NDUFB9: variants seen among roughly 807,000 people sequenced by gnomAD.
NDUFB9 encodes the protein NADH dehydrogenase [ubiquinone] 1 beta subcomplex subunit 9.
In NDUFB9, 24 loss-of-function variants were observed where a neutral mutation model predicts 30.2. The observed-to-expected ratio is 0.80, with a 90% CI of 0.58 to 1.12. The LOEUF (loss-of-function observed/expected upper bound fraction) is 1.12, where lower values mean the gene tolerates loss of function less well. Ranked by LOEUF, NDUFB9 falls within the 50% of genes most tolerant of loss-of-function variation. NDUFB9 has a pLI of 0.00. For synonymous variants in NDUFB9, 80 were observed against 84.0 expected, an observed-to-expected ratio of 0.95 and a Z score of 0.26; for missense variants, 204 against 226.0, an observed-to-expected ratio of 0.90 and a Z score of 0.62.
At chr8:124,547,160 T>C in intron 3 of NDUFB9, 47 bp downstream of exon 3, 2 of 1,461,070 alleles carry the variant, frequency 1.4e-6, no homozygotes, top group Non-Finnish European at 1.9e-6. Context: ...GTAGATGGAG[T>C]GAAGTTTTGC....
intron 1 of NDUFB9, chr8:124,542,877 G>T: frequency 1.9e-6 from 1 of 526,524 alleles, no homozygotes. Context: ...AAAATGGTTA[G>T]GGTATATATT....
chr8:124,548,188 A>G (rs1822213162), intron 3 of NDUFB9, among the ~76,000 whole-genome samples: 1 of 152,216 alleles, frequency 6.6e-6, no homozygotes, highest in Non-Finnish European at 1.5e-5. Flanking sequence ...AGATGTGGAA[A>G]TCTGGAACTC....
At position 124,539,329 on chromosome 8, in the gene NDUFB9, G is replaced by C. The variant is rs1042491026; in HGVS notation, c.101+42G>C. 6 of 1,602,028 alleles carry C rather than the reference G, an allele frequency of 3.7e-6. No individual in the cohort carries two copies. The African/African-American group carries it at 8.0e-5, about 21-fold the overall frequency. On this transcript the variant is annotated intron_variant, in intron 1 of 3. Coordinates refer to ENST00000276689, the MANE Select transcript of NDUFB9 (RefSeq NM_005005.3). ...CAGGACTCGGGGAGGTGACCCTCGG[G>C]GCCCCATGGAGGTGGAGAGGCCCCT...
chr8:124,544,961 AAGTTGATTCCAACCCTTGT>A (rs1822118993), intron 2 of NDUFB9, among the ~76,000 whole-genome samples: 1 of 152,222 alleles, frequency 6.6e-6, no homozygotes, highest in Admixed American at 6.5e-5. Flanking sequence ...GGGTTGGAAG[AAGTTGATTCCAACCCTTGT>A]GGGTGATTTT....
In NDUFB9 at chr8:124,545,936, A is replaced by G. The variant is rs1031181426; in HGVS notation, c.295-1064A>G. The stretch of plus-strand genomic sequence containing the variant: ...CGGCTCACCGCAACCTCCACCTCCC[A>G]GGTTCAAGCGATTCTCCTACCTCAG... On this transcript the variant is annotated intron_variant, in intron 2 of 3. Coordinates refer to ENST00000276689, the MANE Select transcript of NDUFB9 (RefSeq NM_005005.3). Among the ~76,000 whole-genome samples the G allele has an allele frequency of 2.6e-5, 4 of 152,146 alleles. No individual in the cohort carries two copies. The South Asian group carries it at 8.3e-4, about 32-fold the overall frequency.
At chr8:124,539,454 C>CA in intron 1 of NDUFB9, 167 bp downstream of exon 1, 1 of 654,570 alleles carries the variant, frequency 1.5e-6, no homozygotes, top group Non-Finnish European at 2.7e-6. Context: ...CAGGCTTCGC[C>CA]ACTTATGGCC....
chr8:124,540,504 C>T (rs1479863225), intron 1 of NDUFB9, among the ~76,000 whole-genome samples: 1 of 151,966 alleles, frequency 6.6e-6, no homozygotes, highest in African/African-American at 2.4e-5. Context: ...GATCATTATA[C>T]ATTATATGGA....
At chr8:124,543,955 A>T (rs935952220) in intron 2 of NDUFB9, among the ~76,000 whole-genome samples, 1 of 152,256 alleles carries the variant, frequency 6.6e-6, no homozygotes, top group African/African-American at 2.4e-5. Flanking sequence ...TGAGGAAGGC[A>T]TGTTGAAAGC....
chr8:124,547,476 G>C, intron 3 of NDUFB9: 1 of 566,424 alleles, frequency 1.8e-6, no homozygotes, highest in South Asian at 2.1e-5. Context: ...GCTCAATCTT[G>C]CTGTAGTGTG....
At chr8:124,546,927 C>A in intron 2 of NDUFB9, 73 bp from the exon 3 acceptor site, 1 of 998,916 alleles carries the variant, frequency 1.0e-6, no homozygotes, top group Admixed American at 1.7e-5. Context: ...TGTCTTACAT[C>A]TCCTGAGCAG....
At chr8:124,546,410 A>G (rs1277699653) in intron 2 of NDUFB9, among the ~76,000 whole-genome samples, 1 of 152,160 alleles carries the variant, frequency 6.6e-6, no homozygotes, top group Non-Finnish European at 1.5e-5. Flanking sequence ...GTATAAACAA[A>G]ACTTTTATAT....
intron 2 of NDUFB9, among the ~76,000 whole-genome samples, chr8:124,544,873 T>C (rs1223337985): frequency 6.6e-6 from 1 of 152,236 alleles, no homozygotes; most frequent in Non-Finnish European, 1.5e-5. Flanking sequence ...TAAAATTTTC[T>C]GGAAAGAATT....
At chr8:124,543,745 C>T (rs144798786) in intron 2 of NDUFB9, among the ~76,000 whole-genome samples, 78 of 152,246 alleles carry the variant, frequency 5.1e-4, no homozygotes, top group African/African-American at 1.6e-3. Context: ...ACTGTTTCAC[C>T]GACCAATAGT....
At chr8:124,547,315 G>GCTTTGT in intron 3 of NDUFB9, 1 of 654,190 alleles carries the variant, frequency 1.5e-6, no homozygotes, top group African/African-American at 1.8e-5. Flanking sequence ...GGTCGTTTTG[G>GCTTTGT]CTTTGTCTTT....
rs1822065183 is a variant in NDUFB9, at chr8:124,543,169, C to T, written c.184C>T (p.Gln62Ter). Residue 62 changes from glutamine (Q) to a stop codon, truncating the protein, a stop_gained, in exon 2 of 4, where the codon CAG becomes TAG. Coordinates refer to ENST00000276689, the MANE Select transcript of NDUFB9 (RefSeq NM_005005.3). LOFTEE classifies it high-confidence loss of function. Reference sequence around the variant, plus strand: ...TGAAAAGGATATGGCGAAGGCCACCCAGCTGCTGAAGGAGGCCGAGGAAGA... The same window carrying T: ...TGAAAAGGATATGGCGAAGGCCACCTAGCTGCTGAAGGAGGCCGAGGAAGA... ...KNEKDMAKAT[Q>*]LLKEAEEEFW... 3 of 1,614,192 alleles carry T rather than the reference C, an allele frequency of 1.9e-6. No homozygotes were observed. Among genetic ancestry groups the T allele is most frequent in the Non-Finnish European group, 2.5e-6 (3 of 1,179,994 alleles).
chr8:124,544,879 G>A (rs1257344726), intron 2 of NDUFB9, among the ~76,000 whole-genome samples: 1 of 152,196 alleles, frequency 6.6e-6, no homozygotes, highest in Non-Finnish European at 1.5e-5. Flanking sequence ...TTTCTGGAAA[G>A]AATTCACCAT....
intron 2 of NDUFB9, among the ~76,000 whole-genome samples, chr8:124,545,137 G>T (rs1822123159): frequency 6.6e-6 from 1 of 152,204 alleles, no homozygotes; most frequent in Admixed American, 6.5e-5. Flanking sequence ...GCTTCTTATG[G>T]ATGAATACGA....
intron 1 of NDUFB9, 73 bp downstream of exon 1, chr8:124,539,360 C>T (rs1821819154): frequency 1.5e-6 from 2 of 1,355,098 alleles, no homozygotes; most frequent in African/African-American, 1.4e-5. Context: ...CCCCTGGGTA[C>T]CTGGAGGTTC....
At chr8:124,540,561 G>A (rs1393070658) in intron 1 of NDUFB9, among the ~76,000 whole-genome samples, 3 of 152,012 alleles carry the variant, frequency 2.0e-5, no homozygotes, top group Non-Finnish European at 4.4e-5. Context: ...CAATAATTAT[G>A]TGTCAAAAAA....
Sources: gnomAD v4.1 joint callset for allele counts (sites outside exome capture counted in the v4.1 genomes callset) on GRCh38, gnomAD v4.1.1 for gene constraint, MANE v1.5 for transcripts, NCBI Gene and HGNC (gene_info 2026-07-23, HGNC 2026-07-21) for gene names.